Variants in DNAH8 observed in about 807,000 individuals in gnomAD.
The protein encoded by DNAH8 is dynein axonemal heavy chain 8, also known as axonemal beta dynein heavy chain 8.
In DNAH8, 382 loss-of-function variants were observed where a neutral mutation model predicts 562.1. The observed-to-expected ratio is 0.68, with a 90% CI of 0.63 to 0.74. The LOEUF (loss-of-function observed/expected upper bound fraction) is 0.74. Ranked by LOEUF, DNAH8 falls within the 30% of genes least tolerant of loss-of-function variation. The pLI is 0.00. For missense variants in DNAH8, 5,203 were observed against 5,620.4 expected (o/e 0.93, Z 2.37); for synonymous variants, 1,881 against 1,919.4 (o/e 0.98, Z 0.52).
intron 71 of DNAH8, 85 bp downstream of exon 71, chr6:38,921,591 T>C: frequency 6.2e-6 from 9 of 1,441,472 alleles, no homozygotes; most frequent in Non-Finnish European, 7.4e-6. Context: ...AGGCAAATGG[T>C]TGTGATGAAA....
Position 38,749,006 on chromosome 6 carries a change from A to G in DNAH8, c.1294-1470A>G, listed in dbSNP as rs74663845. Among the ~76,000 whole-genome samples, 981 of 152,138 alleles carry G rather than the reference A, an allele frequency of 6.4e-3. 11 individuals carry two copies. The highest frequency in any genetic ancestry group is 0.022 in the African/African-American group (904 of 41,500). On this transcript the variant is annotated intron_variant, in intron 8 of 92. Coordinates refer to ENST00000327475, the MANE Select transcript of DNAH8 (RefSeq NM_001206927.2). Reference sequence around the variant, plus strand: ...GGCTTTTCTCAGCATTGACCAGATCACACTGAAGGCTTCCTTTCATTCCTG... The same window carrying G: ...GGCTTTTCTCAGCATTGACCAGATCGCACTGAAGGCTTCCTTTCATTCCTG...
At chr6:38,754,603 G>A (rs2127598984) in intron 9 of DNAH8, among the ~76,000 whole-genome samples, 1 of 152,092 alleles carries the variant, frequency 6.6e-6, no homozygotes, top group Non-Finnish European at 1.5e-5. Flanking sequence ...TCAATTAAAA[G>A]GAAAGTTCCT....
chr6:38,777,687 C>T (rs927424838), intron 13 of DNAH8, among the ~76,000 whole-genome samples: 8 of 152,134 alleles, frequency 5.3e-5, no homozygotes, highest in African/African-American at 9.7e-5. Context: ...CCCATCTCCC[C>T]CCACAAAAGG....
intron 82 of DNAH8, among the ~76,000 whole-genome samples, chr6:38,961,958 G>C (rs1379683304): frequency 6.6e-6 from 1 of 151,752 alleles, no homozygotes; most frequent in Non-Finnish European, 1.5e-5. Context: ...AAAACTATTA[G>C]ACTTAATAGT....
At chr6:38,726,517 A>C (rs1049094208) in intron 3 of DNAH8, among the ~76,000 whole-genome samples, 1 of 152,162 alleles carries the variant, frequency 6.6e-6, no homozygotes, top group African/African-American at 2.4e-5. Context: ...CTTTAAGGCC[A>C]TTATGGTCCA....
At chr6:38,941,266 C>T (rs989034118) in intron 79 of DNAH8, among the ~76,000 whole-genome samples, 1 of 152,168 alleles carries the variant, frequency 6.6e-6, no homozygotes, top group South Asian at 2.1e-4. Context: ...GGTGATAGGA[C>T]CTGCTATACT....
chr6:38,751,195 A>C (rs1487784198), intron 9 of DNAH8, among the ~76,000 whole-genome samples: 2 of 152,216 alleles, frequency 1.3e-5, no homozygotes, highest in Non-Finnish European at 2.9e-5. Flanking sequence ...CAGTTCACTC[A>C]TGTGGTTATT....
chr6:38,729,875 A>T, intron 3 of DNAH8, 27 bp from the exon 4 acceptor site: 1 of 1,242,336 alleles, frequency 8.0e-7, no homozygotes, highest in Non-Finnish European at 1.2e-6. Flanking sequence ...TAGTCGTTTG[A>T]TTATCATTTT....
At chr6:39,015,996 G>A (rs1766540745) in intron 91 of DNAH8, among the ~76,000 whole-genome samples, 1 of 152,156 alleles carries the variant, frequency 6.6e-6, no homozygotes, top group African/African-American at 2.4e-5. Context: ...CTTGACATGA[G>A]GGACAAATTA....
intron 82 of DNAH8, among the ~76,000 whole-genome samples, chr6:38,959,836 T>G (rs1332238584): frequency 6.6e-6 from 1 of 151,212 alleles, no homozygotes; most frequent in Admixed American, 6.6e-5. Context: ...AAAAAAAAGT[T>G]TAAGGCACCA....
chr6:38,887,016 CT>C lies in DNAH8; in HGVS notation c.8473+14del. On this transcript the variant is annotated intron_variant, in intron 57 of 92. Coordinates refer to ENST00000327475, the MANE Select transcript of DNAH8 (RefSeq NM_001206927.2). The stretch of plus-strand genomic sequence containing the variant: ...AGACAAAATTTTTGGTATGAATATT[CT>C]TAGCGTTTATTTTATTGCATTACAT... 1 of 1,555,678 alleles carries C rather than the reference CT, an allele frequency of 6.4e-7. No individual in the cohort carries two copies. Among genetic ancestry groups the C allele is most frequent in the Non-Finnish European group, 8.9e-7 (1 of 1,127,776 alleles).
intron 18 of DNAH8, among the ~76,000 whole-genome samples, chr6:38,788,982 G>T (rs1381853830): frequency 1.3e-5 from 2 of 152,118 alleles, no homozygotes; most frequent in Non-Finnish European, 2.9e-5. Context: ...ACTGGATTTG[G>T]CATCAAAAGC....
intron 17 of DNAH8, among the ~76,000 whole-genome samples, chr6:38,784,890 G>A (rs1312420627): frequency 6.6e-6 from 1 of 152,188 alleles, no homozygotes; most frequent in Non-Finnish European, 1.5e-5. Flanking sequence ...CAAGAATGAT[G>A]CCAGGCATGC....
At chr6:38,887,127 A>G (rs1778988886) in intron 57 of DNAH8, 123 bp downstream of exon 57, 1 of 650,192 alleles carries the variant, frequency 1.5e-6, no homozygotes, top group South Asian at 1.9e-5. Context: ...ATGGAGAGCT[A>G]AACACTAGGA....
rs562397332 is a variant in DNAH8, at chr6:38,803,282, A to G, written c.3005A>G (p.Lys1002Arg). 4.9e-5 allele frequency: 78 copies of G among 1,604,386 alleles called. 1 individual carries two copies. The South Asian group carries it at 8.1e-4, about 17-fold the overall frequency. ...ATATTTGAGCAGATTTATGAAGTGA[A>G]ATACACTGGGAAAGTAGGAAAACAG... Reference protein sequence around the residue: ...ISIFEQIYEVKYTGKVGKQSE... With the variant: ...ISIFEQIYEVRYTGKVGKQSE... Residue 1002 changes from lysine (K) to arginine (R), a missense_variant, in exon 22 of 93, where the codon AAA becomes AGA. By Grantham distance (26) the Lys-to-Arg change is conservative (BLOSUM62 2). This residue lies in a region of DNAH8 where 2,176 missense variants were observed against 2,365.1 expected (regional missense o/e 0.92). Coordinates refer to ENST00000327475, the MANE Select transcript of DNAH8 (RefSeq NM_001206927.2).
At chr6:38,762,610 A>G (rs1022380469) in intron 11 of DNAH8, among the ~76,000 whole-genome samples, 5 of 152,044 alleles carry the variant, frequency 3.3e-5, no homozygotes, top group Admixed American at 1.3e-4. Flanking sequence ...AGTATTTTCT[A>G]TTTTCTGAAA....
intron 31 of DNAH8, among the ~76,000 whole-genome samples, chr6:38,832,691 A>G (rs1033911446): frequency 1.3e-5 from 2 of 152,226 alleles, no homozygotes; most frequent in Non-Finnish European, 2.9e-5. Flanking sequence ...ATAGCTGATT[A>G]GCTTTTAAAA....
chr6:39,028,320 T>C (rs2150804350), intron 92 of DNAH8, among the ~76,000 whole-genome samples: 1 of 152,204 alleles, frequency 6.6e-6, no homozygotes, highest in East Asian at 1.9e-4. Context: ...TATTCTCTCA[T>C]TGCTTAGGAG....
chr6:38,730,091 TG>T (rs1366428293), intron 4 of DNAH8, 105 bp downstream of exon 4: 1 of 606,198 alleles, frequency 1.6e-6, no homozygotes, highest in Non-Finnish European at 2.9e-6. Flanking sequence ...ATAAAGAAAA[TG>T]TTACCAGAAG....
Sources: allele counts gnomAD v4.1 joint callset (sites outside exome capture counted in the v4.1 genomes callset), GRCh38; gene constraint gnomAD v4.1.1; regional missense constraint gnomAD v4.1.1; transcripts MANE v1.5; gene names NCBI Gene and HGNC (gene_info 2026-07-23, HGNC 2026-07-21).